The following PPP6R2 variants were observed in gnomAD, a reference collection of about 807,000 sequenced individuals.
PPP6R2 encodes the protein serine/threonine-protein phosphatase 6 regulatory subunit 2.
Under a neutral mutation model 100.2 loss-of-function variants are expected in PPP6R2, and 62 were observed. The observed-to-expected ratio is 0.62, with a 90% CI of 0.50 to 0.76. The LOEUF is 0.76. Among genes scored for constraint, PPP6R2 ranks in the 30% least tolerant of loss-of-function variants. PPP6R2 has a pLI of 0.00. For synonymous variants in PPP6R2, 525 were observed against 514.7 expected, an observed-to-expected ratio of 1.02 and a Z score of -0.27; for missense variants, 1,142 against 1,276.3, an observed-to-expected ratio of 0.89 and a Z score of 1.60.
At chr22:50,364,054 C>T (rs1159639209) in intron 1 of PPP6R2, among the ~76,000 whole-genome samples, 2 of 152,062 alleles carry the variant, frequency 1.3e-5, no homozygotes, top group Non-Finnish European at 2.9e-5. Context: ...ACCACCACGT[C>T]TGGCTAGTTT....
At chr22:50,347,592 TACTG>T (rs2044085296) in intron 1 of PPP6R2, among the ~76,000 whole-genome samples, 1 of 152,100 alleles carries the variant, frequency 6.6e-6, no homozygotes, top group Non-Finnish European at 1.5e-5. Flanking sequence ...ACTCTCTTGT[TACTG>T]ACTCCTCCCA....
the PPP6R2 span, among the ~76,000 whole-genome samples, chr22:50,335,200 C>T: frequency 2.7e-5 from 4 of 150,038 alleles, no homozygotes; most frequent in South Asian, 4.3e-4. Context: ...TACAGGTGCC[C>T]GCCACAACAC....
Position 50,431,339 on chromosome 22 carries a change from C to T in PPP6R2, c.1292C>T (p.Pro431Leu). Residue 431 changes from proline (P) to leucine (L), a missense_variant, in exon 11 of 24, where the codon CCC (proline) becomes CTC (leucine). By Grantham distance (98) the Pro-to-Leu change is moderately conservative. Around this residue, in one of 2 missense-constraint regions of PPP6R2, gnomAD observed 592 missense variants for 758.9 expected, o/e 0.78. Coordinates refer to ENST00000612753, the MANE Select transcript of PPP6R2 (RefSeq NM_001242898.2). The surrounding 1 kb of genome is among the most constrained non-coding windows in gnomAD (Gnocchi z 4.8). ...AACGGGAACCGGAGCCTGGAGACTCCCCAGCCGGCCGCCAGCCTCCCTGAC... is the reference window on the plus strand; with the variant it reads ...AACGGGAACCGGAGCCTGGAGACTCTCCAGCCGGCCGCCAGCCTCCCTGAC... ...HENGNRSLET[P>L]QPAASLPDNT... The T allele has an allele frequency of 6.2e-7, 1 of 1,612,980 alleles. No homozygotes were observed. The highest frequency in any genetic ancestry group is 8.5e-7 in the Non-Finnish European group (1 of 1,179,992).
chr22:50,395,961 A>G (rs917620624), intron 3 of PPP6R2, among the ~76,000 whole-genome samples: 1 of 151,638 alleles, frequency 6.6e-6, no homozygotes, highest in Non-Finnish European at 1.5e-5. Flanking sequence ...TTGGGAGGCC[A>G]AGGCGGGCGG....
chr22:50,444,626 TTTG>T lies in PPP6R2; in HGVS notation c.*388_*390del, dbSNP rs1038580991. The T allele has an allele frequency of 5.5e-5, 13 of 235,784 alleles. No homozygotes were observed. The highest frequency in any genetic ancestry group is 2.1e-4 in the South Asian group (3 of 14,584). The allele number at this position is 235,784 out of a possible 1,614,324, so 14.6% of individuals were successfully genotyped here. The stretch of plus-strand genomic sequence containing the variant: ...TGGAGGCTGTTTTTACAGTTTTTTT[TTTG>T]TTGTTGTTTTGTTTTTAAAGAATAC... On this transcript the variant is annotated 3_prime_UTR_variant, in exon 24 of 24. Transcript: ENST00000612753.
chr22:50,432,244 T>TC, intron 11 of PPP6R2, 21 bp from the exon 12 acceptor site: 2 of 1,547,790 alleles, frequency 1.3e-6, no homozygotes, highest in Non-Finnish European at 1.7e-6. Flanking sequence ...ACTCACGCTG[T>TC]CCCCCTGCCC....
In PPP6R2 at chr22:50,444,070, A is replaced by G; in HGVS notation, c.2784A>G (p.Thr928=). 8 of 1,612,688 alleles carry G rather than the reference A, an allele frequency of 5.0e-6. No homozygotes were observed. The highest frequency in any genetic ancestry group is 6.8e-6 in the Non-Finnish European group (8 of 1,179,402). Residue 928 remains threonine, a synonymous_variant, in exon 23 of 24, where the codon ACA becomes ACG. Coordinates refer to ENST00000612753, the MANE Select transcript of PPP6R2 (RefSeq NM_001242898.2). ...CCCTAGGGCCCATCATGGCAGTCAC[A>G]GCAGCCCCAGCCATGGTGGCCACCC... ...AVPLGPIMAV[T]AAPAMVATLG... is the part of the protein sequence containing the mutation.
At chr22:50,428,994 A>T (rs951426513) in intron 10 of PPP6R2, among the ~76,000 whole-genome samples, 8 of 151,492 alleles carry the variant, frequency 5.3e-5, no homozygotes, top group Non-Finnish European at 1.2e-4. Context: ...ATTTCCTTCT[A>T]TTCCTAGTTT....
Position 50,391,409 on chromosome 22 carries a change from G to T in PPP6R2, c.-16-2484G>T, listed in dbSNP as rs530639097. ...GATCGTGCCACTGCACTCCAGCCTG[G>T]GCTACAGAGTGAGACTCCGTCTCAA... On this transcript the variant is annotated intron_variant, in intron 2 of 23. Coordinates refer to ENST00000612753, the MANE Select transcript of PPP6R2 (RefSeq NM_001242898.2). Among the ~76,000 whole-genome samples, 4 of 126,522 alleles carry T rather than the reference G, an allele frequency of 3.2e-5. No homozygotes were observed. The South Asian group carries it at 1.1e-3, about 34-fold the overall frequency. 83.0% of individuals were successfully genotyped at this position (126,522 alleles called of 152,430 possible).
chr22:50,359,343 C>T (rs2047319681), intron 1 of PPP6R2, among the ~76,000 whole-genome samples: 2 of 151,960 alleles, frequency 1.3e-5, no homozygotes, highest in Non-Finnish European at 1.5e-5. Context: ...CTCAGCCTCC[C>T]GAGCAGCTGG....
chr22:50,432,197 G>T, intron 11 of PPP6R2, 68 bp from the exon 12 acceptor site: 1 of 1,414,628 alleles, frequency 7.1e-7, no homozygotes, highest in South Asian at 1.2e-5. Flanking sequence ...CCCAGTCCAG[G>T]GATGGGTGGA....
At chr22:50,352,710 C>G (rs1260487878) in intron 1 of PPP6R2, among the ~76,000 whole-genome samples, 1 of 148,850 alleles carries the variant, frequency 6.7e-6, no homozygotes, top group Non-Finnish European at 1.5e-5. Context: ...GGTGACAGAG[C>G]GAGACTCTGT....
chr22:50,371,797 C>T (rs906226175), intron 1 of PPP6R2, among the ~76,000 whole-genome samples: 15 of 152,132 alleles, frequency 9.9e-5, no homozygotes, highest in East Asian at 3.9e-4. Context: ...CCACCACACC[C>T]GGCTAATTTT....
chr22:50,382,300 T>G (rs2053242441), intron 2 of PPP6R2, among the ~76,000 whole-genome samples: 1 of 152,092 alleles, frequency 6.6e-6, no homozygotes, highest in African/African-American at 2.4e-5. Context: ...TTAGCAATTG[T>G]CTGGATAAAA....
intron 21 of PPP6R2, among the ~76,000 whole-genome samples, chr22:50,440,348 G>C (rs1222635691): frequency 6.6e-6 from 1 of 152,242 alleles, no homozygotes; most frequent in Non-Finnish European, 1.5e-5. Context: ...CCAGCATTGA[G>C]ATGTGTGTGG....
chr22:50,338,226 G>GGT, the PPP6R2 span, among the ~76,000 whole-genome samples: 3 of 137,632 alleles, frequency 2.2e-5, no homozygotes, highest in African/African-American at 8.4e-5. Flanking sequence ...GTGGTGTGTT[G>GGT]GTGTGTGTGT....
At chr22:50,391,202 G>A (rs928281715) in intron 2 of PPP6R2, among the ~76,000 whole-genome samples, 1 of 151,630 alleles carries the variant, frequency 6.6e-6, no homozygotes, top group African/African-American at 2.4e-5. Context: ...GGGGGGCCTA[G>A]GTGGGCGGAT....
intron 2 of PPP6R2, among the ~76,000 whole-genome samples, chr22:50,382,381 A>G (rs1016965769): frequency 5.3e-5 from 8 of 151,984 alleles, no homozygotes; most frequent in African/African-American, 1.4e-4. Flanking sequence ...GGCGGATCAC[A>G]AGGTCAGGAG....
chr22:50,343,133 C>G (rs2042594351), upstream of PPP6R2, among the ~76,000 whole-genome samples: 10 of 151,956 alleles, frequency 6.6e-5, no homozygotes, highest in South Asian at 1.7e-3. Flanking sequence ...CTTACCCCAC[C>G]CACTCCAAGG....
Sources: gnomAD v4.1 joint callset for allele counts (sites outside exome capture counted in the v4.1 genomes callset) on GRCh38, gnomAD v4.1.1 for gene constraint, gnomAD v4.1.1 regional missense constraint, Gnocchi (gnomAD v3.1) non-coding constraint, MANE v1.5 for transcripts, NCBI Gene and HGNC (gene_info 2026-07-23, HGNC 2026-07-21) for gene names.